ADAM7: variants seen among roughly 807,000 people sequenced by gnomAD.
ADAM7 encodes ADAM metallopeptidase domain 7, also known as disintegrin and metalloproteinase domain-containing protein 7.
ADAM7 carries 97 observed loss-of-function variants against 102.9 expected under a neutral mutation model. That is an observed-to-expected ratio of 0.94 (90% CI 0.80 to 1.12). The LOEUF (loss-of-function observed/expected upper bound fraction) is 1.12. Ranked by LOEUF, ADAM7 falls within the 50% of genes most tolerant of loss-of-function variation. ADAM7 has a pLI of 0.00. For missense variants in ADAM7, 991 were observed against 908.7 expected (o/e 1.09, Z -1.16); for synonymous variants, 334 against 304.4 (o/e 1.10, Z -1.01).
At chr8:24,468,404 A>T (rs114577470) in intron 6 of ADAM7, among the ~76,000 whole-genome samples, 3,745 of 152,280 alleles carry the variant, frequency 0.025, 167 homozygotes, top group African/African-American at 0.087. Flanking sequence ...GCTAGGCTTA[A>T]TACCTAGGTG....
chr8:24,507,820 C>T (rs1269273386), intron 21 of ADAM7, among the ~76,000 whole-genome samples: 2 of 152,188 alleles, frequency 1.3e-5, no homozygotes, highest in African/African-American at 4.8e-5. Flanking sequence ...GAAAGCAGCA[C>T]TATTCTTTCA....
intron 7 of ADAM7, among the ~76,000 whole-genome samples, chr8:24,471,502 A>G (rs938741848): frequency 1.3e-5 from 2 of 148,742 alleles, no homozygotes; most frequent in African/African-American, 2.5e-5. Flanking sequence ...TTTTTATTGT[A>G]CTTTTTCTAT....
intron 21 of ADAM7, among the ~76,000 whole-genome samples, chr8:24,507,769 A>T (rs1336238235): frequency 6.6e-6 from 1 of 152,130 alleles, no homozygotes; most frequent in Non-Finnish European, 1.5e-5. Flanking sequence ...AGCAATCCAG[A>T]ATTCAACAGT....
chr8:24,479,583 T>A (rs1181505796), intron 8 of ADAM7, among the ~76,000 whole-genome samples: 1 of 152,082 alleles, frequency 6.6e-6, no homozygotes. Flanking sequence ...TCCCTCTCTG[T>A]CTCCCACTGT....
intron 7 of ADAM7, among the ~76,000 whole-genome samples, chr8:24,473,939 T>C (rs988627118): frequency 2.0e-5 from 3 of 152,096 alleles, no homozygotes; most frequent in African/African-American, 4.8e-5. Flanking sequence ...CACTCATTCA[T>C]AATAAAACTC....
chr8:24,453,074 G>T (rs1818862614), intron 3 of ADAM7, among the ~76,000 whole-genome samples: 1 of 151,510 alleles, frequency 6.6e-6, no homozygotes, highest in African/African-American at 2.4e-5. Context: ...CTCTCTGGCT[G>T]CCCTTAACAT....
chr8:24,453,479 C>G (rs909739032), intron 3 of ADAM7, among the ~76,000 whole-genome samples: 2 of 152,166 alleles, frequency 1.3e-5, no homozygotes, highest in Admixed American at 6.5e-5. Context: ...ACGTAGTTCT[C>G]GAGCCTTGGC....
At chr8:24,504,277 A>G (rs545443186) in intron 20 of ADAM7, among the ~76,000 whole-genome samples, 74 of 152,152 alleles carry the variant, frequency 4.9e-4, no homozygotes, top group Middle Eastern at 3.4e-3. Context: ...TGAGGCACCA[A>G]GAACCTCTGG....
Position 24,478,004 on chromosome 8 carries a change from G to C in ADAM7, c.705+1500G>C, listed in dbSNP as rs79590878. Among the ~76,000 whole-genome samples the C allele has an allele frequency of 1.6e-4, 24 of 151,682 alleles. No homozygotes were observed. The East Asian group carries it at 4.4e-3, about 28-fold the overall frequency. On this transcript the variant is annotated intron_variant, in intron 8 of 21. Transcript: ENST00000175238. ...GAAATTCCCTCATCTTTTCAAGCTTGTTTTTCACTATATTCATTTTTTTAT... is the reference window on the plus strand; with the variant it reads ...GAAATTCCCTCATCTTTTCAAGCTTCTTTTTCACTATATTCATTTTTTTAT...
intron 20 of ADAM7, among the ~76,000 whole-genome samples, chr8:24,502,942 A>T (rs145185548): frequency 9.4e-4 from 143 of 152,252 alleles, no homozygotes; most frequent in African/African-American, 3.3e-3. Flanking sequence ...TAACTAATAC[A>T]CTAACAAATA....
At chr8:24,484,802 CTTTTTT>C (rs544478529) in intron 9 of ADAM7, among the ~76,000 whole-genome samples, 4 of 91,952 alleles carry the variant, frequency 4.4e-5, no homozygotes, top group African/African-American at 4.5e-5. Context: ...ATTGCACTGG[CTTTTTT>C]TTTTTTTTTT....
At chr8:24,460,100 C>A (rs1197691423) in intron 3 of ADAM7, among the ~76,000 whole-genome samples, 1 of 151,768 alleles carries the variant, frequency 6.6e-6, no homozygotes, top group East Asian at 1.9e-4. Flanking sequence ...TAAAATGTAT[C>A]TTTGGGCCAA....
At chr8:24,476,946 A>G (rs1275450845) in intron 8 of ADAM7, among the ~76,000 whole-genome samples, 1 of 152,186 alleles carries the variant, frequency 6.6e-6, no homozygotes, top group African/African-American at 2.4e-5. Context: ...AGAATGAGGT[A>G]TATAACCCTT....
At chr8:24,457,448 TG>T (rs1819077590) in intron 3 of ADAM7, among the ~76,000 whole-genome samples, 1 of 152,068 alleles carries the variant, frequency 6.6e-6, no homozygotes, top group Admixed American at 6.6e-5. Context: ...GCAAATTTTT[TG>T]TATTTTAGTA....
chr8:24,502,861 A>G (rs1820808742), intron 20 of ADAM7, among the ~76,000 whole-genome samples: 1 of 152,114 alleles, frequency 6.6e-6, no homozygotes, highest in East Asian at 1.9e-4. Flanking sequence ...AAAATTCCCA[A>G]TTTATTTTAT....
At chr8:24,482,479 A>G (rs1287073423) in intron 9 of ADAM7, among the ~76,000 whole-genome samples, 168 bp downstream of exon 9, 2 of 152,174 alleles carry the variant, frequency 1.3e-5, no homozygotes, top group East Asian at 3.8e-4. Context: ...AAGGAACCGT[A>G]GCATATATCT....
chr8:24,454,949 C>T (rs114475414), intron 3 of ADAM7, among the ~76,000 whole-genome samples: 1,948 of 152,138 alleles, frequency 0.013, 41 homozygotes, highest in African/African-American at 0.044. Context: ...ATTTTCTGTT[C>T]GCTATAATAA....
chr8:24,505,138 C>G (rs1484215701), intron 20 of ADAM7, among the ~76,000 whole-genome samples: 1 of 152,008 alleles, frequency 6.6e-6, no homozygotes, highest in Non-Finnish European at 1.5e-5. Flanking sequence ...TCTACGATGC[C>G]TCATGTGCTG....
At chr8:24,490,748 G>A (rs779110736) in intron 12 of ADAM7, 51 bp from the exon 13 acceptor site, 22 of 1,542,616 alleles carry the variant, frequency 1.4e-5, no homozygotes, top group Non-Finnish European at 1.8e-5. Flanking sequence ...TCTTCAAACA[G>A]GAGTCAGAGT....
Sources: gnomAD v4.1 joint callset for allele counts (sites outside exome capture counted in the v4.1 genomes callset) on GRCh38, gnomAD v4.1.1 for gene constraint, MANE v1.5 for transcripts, NCBI Gene and HGNC (gene_info 2026-07-23, HGNC 2026-07-21) for gene names.